The following PTPRT variants were observed in gnomAD, a reference collection of about 807,000 sequenced individuals.
The protein encoded by PTPRT is receptor-type tyrosine-protein phosphatase T.
A neutral mutation model predicts 176.8 loss-of-function variants in PTPRT; 56 were observed. The ratio of observed to expected loss-of-function variants is 0.32; its 90% confidence interval spans 0.26 to 0.40. The LOEUF (loss-of-function observed/expected upper bound fraction) is 0.40. PTPRT is among the 10% of genes least tolerant of loss of function. The pLI is 1.00. For missense variants in PTPRT, 1,540 were observed against 1,908.2 expected (o/e 0.81, Z 3.60); for synonymous variants, 783 against 739.0 (o/e 1.06, Z -0.96).
At chr20:42,549,984 G>T (rs1315575666) in intron 7 of PTPRT, among the ~76,000 whole-genome samples, 2 of 152,142 alleles carry the variant, frequency 1.3e-5, no homozygotes, top group Non-Finnish European at 2.9e-5. Flanking sequence ...AATTGAAAAT[G>T]GGCATGAACT....
the PTPRT span, among the ~76,000 whole-genome samples, chr20:42,047,367 T>C: frequency 6.6e-6 from 1 of 152,170 alleles, no homozygotes. Flanking sequence ...GCCTGGGCTG[T>C]CAGACAGCTT....
chr20:42,269,617 A>G (rs7267571), intron 13 of PTPRT, among the ~76,000 whole-genome samples: 1,879 of 152,290 alleles, frequency 0.012, 36 homozygotes, highest in African/African-American at 0.043. Context: ...AACTCCACCT[A>G]TGGTACACTT....
intron 7 of PTPRT, among the ~76,000 whole-genome samples, chr20:42,605,153 C>T (rs2073853163): frequency 6.6e-6 from 1 of 152,168 alleles, no homozygotes; most frequent in Non-Finnish European, 1.5e-5. Context: ...CCTGAGGAGT[C>T]CATTCAGAAT....
At chr20:43,138,289 G>A (rs1053789221) in intron 1 of PTPRT, among the ~76,000 whole-genome samples, 3 of 152,346 alleles carry the variant, frequency 2.0e-5, no homozygotes, top group Middle Eastern at 3.4e-3. Context: ...AAAGCCAACC[G>A]AGTAGGCCAG....
chr20:43,057,297 GGGGGAAGGAATGGAGGA>G (rs1987281922), intron 1 of PTPRT, among the ~76,000 whole-genome samples: 4 of 92,052 alleles, frequency 4.3e-5, no homozygotes, highest in African/African-American at 8.4e-5. Context: ...GGGAGGGGAG[GGGGGAAGGAATGGAGGA>G]GGAGGGGGGA....
At chr20:42,653,005 A>G (rs1443272214) in intron 7 of PTPRT, among the ~76,000 whole-genome samples, 1 of 152,182 alleles carries the variant, frequency 6.6e-6, no homozygotes, top group Non-Finnish European at 1.5e-5. Flanking sequence ...CAGCAGATAA[A>G]TAAGACTAAC....
chr20:42,592,167 G>A (rs1016310596), intron 7 of PTPRT, among the ~76,000 whole-genome samples: 2 of 149,698 alleles, frequency 1.3e-5, no homozygotes, highest in Non-Finnish European at 3.0e-5. Context: ...TTTTTGAGAC[G>A]GGTTTCACCG....
chr20:43,013,786 C>T (rs543557300), intron 1 of PTPRT, among the ~76,000 whole-genome samples: 34 of 152,250 alleles, frequency 2.2e-4, no homozygotes, highest in Admixed American at 9.8e-4. Flanking sequence ...ACAATACAAA[C>T]GCAGCAAGAC....
chr20:42,622,090 G>T (rs1452621124), intron 7 of PTPRT, among the ~76,000 whole-genome samples: 3 of 152,136 alleles, frequency 2.0e-5, no homozygotes, highest in Non-Finnish European at 4.4e-5. Flanking sequence ...TCCTTAACAT[G>T]AATTAAATTT....
chr20:42,928,553 G>A (rs1979631836), intron 1 of PTPRT, among the ~76,000 whole-genome samples: 1 of 152,164 alleles, frequency 6.6e-6, no homozygotes, highest in Admixed American at 6.5e-5. Context: ...AATATCAGGG[G>A]CCATGGGGAG....
At chr20:42,571,684 ATGTTGCCAAAC>A (rs1371488471) in intron 7 of PTPRT, among the ~76,000 whole-genome samples, 6 of 152,132 alleles carry the variant, frequency 3.9e-5, no homozygotes, top group Admixed American at 3.9e-4. Context: ...TCTTGACTAG[ATGTTGCCAAAC>A]TGCTATCCAA....
At chr20:43,081,126 G>C (rs1027392267) in intron 1 of PTPRT, among the ~76,000 whole-genome samples, 2 of 152,158 alleles carry the variant, frequency 1.3e-5, no homozygotes, top group African/African-American at 4.8e-5. Context: ...TTGATACTGA[G>C]GATATAAATT....
chr20:42,393,562 A>G (rs77272105), intron 9 of PTPRT, among the ~76,000 whole-genome samples: 10,371 of 152,126 alleles, frequency 0.068, 439 homozygotes, highest in African/African-American at 0.12. Context: ...TCTTCCATAC[A>G]CCATTTCTCA....
At chr20:42,660,319 C>T (rs1246459295) in intron 7 of PTPRT, among the ~76,000 whole-genome samples, 1 of 152,126 alleles carries the variant, frequency 6.6e-6, no homozygotes, top group Non-Finnish European at 1.5e-5. Flanking sequence ...TCTAAGCTTC[C>T]ATCCCTTCTC....
At position 43,189,513 on chromosome 20, in the gene PTPRT, C is replaced by G. The variant is rs1483478491; in HGVS notation, c.88+133G>C. On this transcript the variant is annotated intron_variant, in intron 1 of 30. Coordinates refer to ENST00000373187, the MANE Select transcript of PTPRT (RefSeq NM_007050.6). The surrounding 1 kb of genome is among the most constrained non-coding windows in gnomAD (Gnocchi z 5.0). ...GCTTCCCGCGCCTGCAAGCTGAGACCCGGGTTCCGGCCATGGGGACCCGCG... is the reference window on the plus strand; with the variant it reads ...GCTTCCCGCGCCTGCAAGCTGAGACGCGGGTTCCGGCCATGGGGACCCGCG... The G allele has an allele frequency of 8.3e-6, 4 of 483,070 alleles. No homozygotes were observed. Among genetic ancestry groups the G allele is most frequent in the Non-Finnish European group, 1.2e-5 (4 of 323,968 alleles). The allele number at this position is 483,070 out of a possible 1,614,324, so 29.9% of individuals were successfully genotyped here.
chr20:42,904,240 T>C (rs1422192149), intron 1 of PTPRT, among the ~76,000 whole-genome samples: 6 of 152,208 alleles, frequency 3.9e-5, no homozygotes, highest in African/African-American at 1.2e-4. Context: ...GAGCAGCCTC[T>C]GCCAACCTCA....
chr20:42,499,762 T>C (rs2071720836), intron 7 of PTPRT, among the ~76,000 whole-genome samples: 2 of 152,164 alleles, frequency 1.3e-5, no homozygotes, highest in Non-Finnish European at 2.9e-5. Flanking sequence ...CAACAAGATG[T>C]CCAATATATG....
chr20:42,287,397 C>G (rs544224104), intron 12 of PTPRT, among the ~76,000 whole-genome samples: 1 of 151,810 alleles, frequency 6.6e-6, no homozygotes, highest in Non-Finnish European at 1.5e-5. Flanking sequence ...ACTATTCAGC[C>G]ATAAAAAGAA....
intron 7 of PTPRT, among the ~76,000 whole-genome samples, chr20:42,646,521 T>G (rs566654840): frequency 1.3e-5 from 2 of 152,252 alleles, no homozygotes; most frequent in Non-Finnish European, 2.9e-5. Flanking sequence ...ACTTCCAATA[T>G]GGTAGCCATT....
Sources: allele counts gnomAD v4.1 joint callset (sites outside exome capture counted in the v4.1 genomes callset), GRCh38; gene constraint gnomAD v4.1.1; non-coding constraint Gnocchi (gnomAD v3.1); transcripts MANE v1.5; gene names NCBI Gene and HGNC (gene_info 2026-07-23, HGNC 2026-07-21).